The following CTNNA2 variants were observed in gnomAD, a reference collection of about 807,000 sequenced individuals.
The protein encoded by CTNNA2 is catenin alpha-2.
CTNNA2 carries 42 observed loss-of-function variants against 101.0 expected under a neutral mutation model. The observed-to-expected ratio is 0.42, with a 90% CI of 0.32 to 0.54. CTNNA2 has a LOEUF of 0.54. CTNNA2 is among the 20% of genes least tolerant of loss of function. CTNNA2 has a pLI of 0.14. For missense variants in CTNNA2, 871 were observed against 1,223.1 expected (o/e 0.71, Z 4.29); for synonymous variants, 450 against 456.4 (o/e 0.99, Z 0.18).
chr2:79,339,497 A>T (rs1991920), intron 3 of CTNNA2: 2 of 152,140 alleles, frequency 1.3e-5, no homozygotes, highest in Non-Finnish European at 2.9e-5. Context: ...TTCTTAAAAT[A>T]GTGAGTCTTT....
chr2:79,787,894 C>G (rs556297150), intron 3 of CTNNA2, among the ~76,000 whole-genome samples: 44 of 152,044 alleles, frequency 2.9e-4, no homozygotes, highest in Non-Finnish European at 4.3e-4. Flanking sequence ...TGCACGGTGC[C>G]TTTTGCTATA....
chr2:79,977,397 T>C (rs1215156105), intron 7 of CTNNA2, among the ~76,000 whole-genome samples: 1 of 152,100 alleles, frequency 6.6e-6, no homozygotes, highest in East Asian at 1.9e-4. Context: ...GGCATGTATG[T>C]GTAGAGGCCA....
intron 3 of CTNNA2, among the ~76,000 whole-genome samples, chr2:79,798,662 G>A (rs528179450): frequency 6.7e-6 from 1 of 149,618 alleles, no homozygotes; most frequent in East Asian, 2.0e-4. Context: ...AGGGGCCTTC[G>A]AAGATGACTC....
intron 2 of CTNNA2, among the ~76,000 whole-genome samples, chr2:79,280,663 A>AGAGAGAGAGAGAGAGAGAG (rs1238782976): frequency 1.2e-4 from 6 of 49,392 alleles, no homozygotes; most frequent in East Asian, 8.1e-4. Flanking sequence ...GTGTAAGAGA[A>AGAGAGAGAGAGAGAGAGAG]AGAGAGAGAG....
At chr2:79,438,734 T>C (rs373348204) in intron 4 of CTNNA2, among the ~76,000 whole-genome samples, 1 of 152,170 alleles carries the variant, frequency 6.6e-6, no homozygotes, top group Non-Finnish European at 1.5e-5. Context: ...TCCTCAAATG[T>C]TAATGTGCAT....
intron 3 of CTNNA2, among the ~76,000 whole-genome samples, chr2:79,840,535 T>C (rs1679719407): frequency 1.3e-5 from 2 of 152,238 alleles, no homozygotes. Context: ...GTTTGGAGAC[T>C]TTTTAAATGC....
intron 1 of CTNNA2, among the ~76,000 whole-genome samples, chr2:79,194,786 A>C (rs930598851): frequency 1.4e-4 from 22 of 152,202 alleles, no homozygotes; most frequent in African/African-American, 5.3e-4. Context: ...TGAGTGGTTC[A>C]CAAAAATGTC....
In CTNNA2 at chr2:79,699,930, A is replaced by AATAC. The variant is rs201636805; in HGVS notation, c.103-44454_103-44453insCATA. 7.1e-3 allele frequency among the ~76,000 whole-genome samples: 1,050 copies of AATAC among 148,382 alleles called. 35 individuals are homozygous for AATAC. The East Asian group carries it at 0.096, about 14-fold the overall frequency. ...CCTATGTGTGTATATATGTATATAT[A>AATAC]ATATATTTACATATCACATATTTTT... On this transcript the variant is annotated intron_variant, in intron 2 of 18. Coordinates refer to ENST00000402739, the MANE Select transcript of CTNNA2 (RefSeq NM_001282597.3).
intron 9 of CTNNA2, among the ~76,000 whole-genome samples, chr2:80,510,909 C>T (rs921957774): frequency 6.6e-5 from 10 of 152,126 alleles, no homozygotes; most frequent in African/African-American, 2.4e-4. Flanking sequence ...GTTTTTATCA[C>T]GTTCACTCAC....
intron 13 of CTNNA2, among the ~76,000 whole-genome samples, chr2:80,580,341 T>A (rs17019393): frequency 0.055 from 8,341 of 152,246 alleles, 635 homozygotes; most frequent in African/African-American, 0.17. Context: ...TATCACTGAC[T>A]TTATAGATTG....
intron 9 of CTNNA2, among the ~76,000 whole-genome samples, chr2:80,531,706 G>C (rs1315886484): frequency 6.6e-6 from 1 of 152,164 alleles, no homozygotes; most frequent in Admixed American, 6.5e-5. Context: ...GCTTTAAGGA[G>C]ACCTGGGAGG....
At chr2:80,371,802 C>G (rs1284378358) in intron 7 of CTNNA2, among the ~76,000 whole-genome samples, 1 of 152,056 alleles carries the variant, frequency 6.6e-6, no homozygotes, top group Non-Finnish European at 1.5e-5. Context: ...TTGCCCAGGA[C>G]CTTCTTGGAC....
At chr2:79,876,851 G>A (rs1574202295) in intron 6 of CTNNA2, among the ~76,000 whole-genome samples, 1 of 152,160 alleles carries the variant, frequency 6.6e-6, no homozygotes, top group Non-Finnish European at 1.5e-5. Context: ...TGTTTTTCCT[G>A]AAGTGATATC....
chr2:79,220,915 GATA>G (rs1297274714), intron 2 of CTNNA2, among the ~76,000 whole-genome samples: 1 of 152,164 alleles, frequency 6.6e-6, no homozygotes, highest in Non-Finnish European at 1.5e-5. Flanking sequence ...TAGATTAGGT[GATA>G]ATAATAAATA....
At chr2:80,608,118 T>C in intron 16 of CTNNA2, 66 bp from the exon 17 acceptor site, 1 of 1,487,036 alleles carries the variant, frequency 6.7e-7, no homozygotes, top group Non-Finnish European at 9.1e-7. Context: ...CTGCAGCTTT[T>C]CTATAACAAA....
chr2:79,521,103 T>C (rs1395994105), intron 1 of CTNNA2, among the ~76,000 whole-genome samples: 1 of 100,304 alleles, frequency 1.0e-5, no homozygotes, highest in Non-Finnish European at 2.1e-5. Context: ...AAAACAAAGC[T>C]GCTGATATAT....
At chr2:79,710,244 A>G (rs1685655367) in intron 2 of CTNNA2, among the ~76,000 whole-genome samples, 1 of 152,176 alleles carries the variant, frequency 6.6e-6, no homozygotes, top group African/African-American at 2.4e-5. Flanking sequence ...GCCTTATCAT[A>G]TGAAGATGAA....
At chr2:79,854,985 T>A (rs1157969753) in intron 3 of CTNNA2, among the ~76,000 whole-genome samples, 1 of 152,220 alleles carries the variant, frequency 6.6e-6, no homozygotes, top group Non-Finnish European at 1.5e-5. Context: ...CTGCAGGGAC[T>A]AAGACCTATT....
chr2:79,577,125 A>G (rs1573387443), intron 1 of CTNNA2, among the ~76,000 whole-genome samples: 1 of 152,128 alleles, frequency 6.6e-6, no homozygotes, highest in South Asian at 2.1e-4. Flanking sequence ...TGTGTTTTAG[A>G]TAGTATTAAG....
Sources: gnomAD v4.1 joint callset for allele counts (sites outside exome capture counted in the v4.1 genomes callset) on GRCh38, gnomAD v4.1.1 for gene constraint, MANE v1.5 for transcripts, NCBI Gene and HGNC (gene_info 2026-07-23, HGNC 2026-07-21) for gene names.